The following THAP9 variants were observed in gnomAD, a reference collection of about 807,000 sequenced individuals.
The protein encoded by THAP9 is DNA transposase THAP9.
In THAP9, 20 loss-of-function variants were observed where a neutral mutation model predicts 35.7. The ratio of observed to expected loss-of-function variants is 0.56; its 90% confidence interval spans 0.39 to 0.81. THAP9 has a LOEUF of 0.81. THAP9 is among the 40% of genes least tolerant of loss of function. THAP9 has a pLI of 0.00. For synonymous variants in THAP9, 335 were observed against 373.7 expected, an observed-to-expected ratio of 0.90 and a Z score of 1.19; for missense variants, 870 against 1,047.4, an observed-to-expected ratio of 0.83 and a Z score of 2.34.
rs759566836 is a variant in THAP9 at position 82,918,027 on chromosome 4, C to G, written c.1815C>G (p.Tyr605Ter). Residue 605 changes from tyrosine to a stop codon, truncating the protein, a stop_gained, in exon 5 of 5, where the codon TAC becomes TAG. Coordinates refer to ENST00000302236, the MANE Select transcript of THAP9 (RefSeq NM_024672.6). LOFTEE classifies it high-confidence loss of function. ...TGCCTTTTCCTTATCTTCTGACTTA[C>G]AAATTCAGTCATGATCATCTGGAAT... ...KVMPFPYLLT[Y>*]KFSHDHLELF... The G allele has an allele frequency of 6.2e-7, 1 of 1,613,942 alleles. No individual in the cohort carries two copies. The highest frequency in any genetic ancestry group is 1.1e-5 in the South Asian group (1 of 91,068).
chr4:82,916,492 G>A (rs1447591045), intron 4 of THAP9, among the ~76,000 whole-genome samples: 1 of 152,168 alleles, frequency 6.6e-6, no homozygotes, highest in Non-Finnish European at 1.5e-5. Flanking sequence ...ATAACTAACA[G>A]TACATTATGG....
intron 4 of THAP9, chr4:82,909,890 A>G (rs1169171115): frequency 6.6e-6 from 1 of 152,078 alleles, no homozygotes; most frequent in East Asian, 1.9e-4. Context: ...TTTGATGCAT[A>G]TATATAATTT....
intron 4 of THAP9, among the ~76,000 whole-genome samples, chr4:82,912,780 C>T (rs1308321665): frequency 6.6e-6 from 1 of 152,166 alleles, no homozygotes; most frequent in African/African-American, 2.4e-5. Context: ...CGTGCATATA[C>T]ACATTGTGGT....
chr4:82,918,960 A>T lies in THAP9; in HGVS notation c.*36A>T. On this transcript the variant is annotated 3_prime_UTR_variant, in exon 5 of 5. Coordinates refer to ENST00000302236, the MANE Select transcript of THAP9 (RefSeq NM_024672.6). Reference sequence around the variant, plus strand: ...ATATATTAACATTTTAATTAAGAATACTTGATCAACATTTTTTGAAGTTCA... The same window carrying T: ...ATATATTAACATTTTAATTAAGAATTCTTGATCAACATTTTTTGAAGTTCA... The T allele has an allele frequency of 6.9e-7, 1 of 1,445,922 alleles. No homozygotes were observed. Among genetic ancestry groups the T allele is most frequent in the Non-Finnish European group, 9.3e-7 (1 of 1,072,988 alleles). 89.6% of individuals were successfully genotyped at this position (1,445,922 alleles called of 1,614,324 possible).
At chr4:82,911,198 T>G (rs1405337988) in intron 4 of THAP9, among the ~76,000 whole-genome samples, 2 of 152,138 alleles carry the variant, frequency 1.3e-5, no homozygotes, top group African/African-American at 4.8e-5. Context: ...CCTTAAGGTA[T>G]TGGGACAGTT....
intron 1 of THAP9, among the ~76,000 whole-genome samples, chr4:82,904,058 C>CTTTTTTTTT (rs59655406): frequency 6.1e-5 from 5 of 82,212 alleles, no homozygotes; most frequent in Non-Finnish European, 7.2e-5. Context: ...TAGGCTCCCC[C>CTTTTTTTTT]TTTTTTTTTT....
intron 1 of THAP9, among the ~76,000 whole-genome samples, chr4:82,903,140 A>G (rs990756889): frequency 6.6e-6 from 1 of 152,262 alleles, no homozygotes; most frequent in African/African-American, 2.4e-5. Context: ...ATAGTTACCT[A>G]TAAGTCTGTC....
rs1560700625 is a variant in THAP9, at chr4:82,918,553, A to T, written c.2341A>T (p.Thr781Ser). 1 of 1,614,122 alleles carries T rather than the reference A, an allele frequency of 6.2e-7. No homozygotes were observed. The highest frequency in any genetic ancestry group is 2.2e-5 in the East Asian group (1 of 44,882). Reference protein sequence around the residue: ...VINICERVVRTHSRMAIFELV... With the variant: ...VINICERVVRSHSRMAIFELV... ...AAATATTTGTGAGCGAGTTGTAAGA[A>T]CCCATTCAAGAATGGCAATTTTTGA... is the stretch of plus-strand genomic sequence containing the variant. Residue 781 changes from threonine to serine, a missense_variant, in exon 5 of 5, where the codon ACC becomes TCC. Coordinates refer to ENST00000302236, the MANE Select transcript of THAP9 (RefSeq NM_024672.6).
chr4:82,917,372 G>A lies in THAP9; in HGVS notation c.1160G>A (p.Gly387Glu), dbSNP rs745383963. The A allele has an allele frequency of 1.9e-6, 3 of 1,613,526 alleles. No individual in the cohort carries two copies. The highest frequency in any genetic ancestry group is 2.5e-6 in the Non-Finnish European group (3 of 1,179,660). Reference sequence around the variant, plus strand: ...AGTGTTCAGATGGCAAAAGCATTGGGGATACATATTGATGGAGACGACATG... The same window carrying A: ...AGTGTTCAGATGGCAAAAGCATTGGAGATACATATTGATGGAGACGACATG... ...AHSVQMAKAL[G>E]IHIDGDDMKC... The change falls in exon 5 of 5, where the codon GGG becomes GAG. Residue 387 changes from glycine to glutamate, a missense_variant. By Grantham distance (98) the Gly-to-Glu change is moderately conservative. Coordinates refer to ENST00000302236, the MANE Select transcript of THAP9 (RefSeq NM_024672.6).
In THAP9 at chr4:82,916,979, A is replaced by G. The variant is rs1560698561; in HGVS notation, c.767A>G (p.Asn256Ser). The stretch of plus-strand genomic sequence containing the variant: ...AAATGCCAACCCAGTCCAGGTTTCA[A>G]CAGCAACATTTTTTCTTTTCTTCAA... The part of the protein sequence containing the change: ...LSKCQPSPGF[N>S]SNIFSFLQRR... The change falls in exon 5 of 5, where the codon AAC (asparagine) becomes AGC (serine). Residue 256 changes from asparagine to serine, a missense_variant. By Grantham distance (46) the Asn-to-Ser change is conservative. Coordinates refer to ENST00000302236, the MANE Select transcript of THAP9 (RefSeq NM_024672.6). The G allele has an allele frequency of 2.6e-6, 4 of 1,543,984 alleles. No homozygotes were observed. Among genetic ancestry groups the G allele is most frequent in the Non-Finnish European group, 1.7e-6 (2 of 1,147,522 alleles).
intron 4 of THAP9, 107 bp from the exon 5 acceptor site, chr4:82,916,837 G>A (rs1721047309): frequency 1.1e-6 from 1 of 912,230 alleles, no homozygotes; most frequent in African/African-American, 1.7e-5. Context: ...TATATACTTG[G>A]CTTTATTTCT....
At chr4:82,904,098 CT>C (rs1720543019) in intron 1 of THAP9, among the ~76,000 whole-genome samples, 1 of 105,730 alleles carries the variant, frequency 9.5e-6, no homozygotes, top group Non-Finnish European at 1.8e-5. Flanking sequence ...GAGTTTCACT[CT>C]TGTTGCCCAG....
At chr4:82,907,455 T>C (rs1332213423) in intron 3 of THAP9, among the ~76,000 whole-genome samples, 1 of 151,990 alleles carries the variant, frequency 6.6e-6, no homozygotes, top group African/African-American at 2.4e-5. Context: ...CTCAGATAAA[T>C]AGTAAGCAGG....
intron 4 of THAP9, among the ~76,000 whole-genome samples, chr4:82,908,188 A>G (rs1720732193): frequency 6.6e-6 from 1 of 152,224 alleles, no homozygotes; most frequent in Admixed American, 6.5e-5. Context: ...CACAACAGCA[A>G]TATTTTCACC....
At position 82,900,773 on chromosome 4, in the gene THAP9, C is replaced by T; in HGVS notation, c.-30C>T. On this transcript the variant is annotated 5_prime_UTR_variant, in exon 1 of 5. Transcript: ENST00000302236. ...TCGTGATTCATGCTGTCGCGGGAAC[C>T]CCGAAGGTGGGGCCCCACGTAACAA... The T allele has an allele frequency of 6.2e-7, 1 of 1,613,194 alleles. No individual in the cohort carries two copies. The highest frequency in any genetic ancestry group is 8.5e-7 in the Non-Finnish European group (1 of 1,179,724).
chr4:82,918,295 G>A lies in THAP9; in HGVS notation c.2083G>A (p.Asp695Asn), dbSNP rs34060770. Reference protein sequence around the residue: ...TVFHEEGICQDWSHCSLSEAL... With the variant: ...TVFHEEGICQNWSHCSLSEAL... The stretch of plus-strand genomic sequence containing the variant: ...CTTTCACGAAGAGGGTATTTGTCAA[G>A]ACTGGTCTCATTGTTCACTAAGTGA... Residue 695 changes from aspartate to asparagine, a missense_variant, in exon 5 of 5, where the codon GAC becomes AAC. By Grantham distance (23) the Asp-to-Asn change is conservative. Transcript: ENST00000302236. 6.0e-4 allele frequency: 965 copies of A among 1,614,178 alleles called. 7 individuals carry two copies. The African/African-American group carries it at 0.012, about 20-fold the overall frequency.
At chr4:82,916,630 A>T (rs1349053013) in intron 4 of THAP9, among the ~76,000 whole-genome samples, 1 of 152,238 alleles carries the variant, frequency 6.6e-6, no homozygotes, top group Non-Finnish European at 1.5e-5. Context: ...TACAGGTAAG[A>T]CTTGTTTATG....
At chr4:82,904,706 G>A in intron 1 of THAP9, 30 bp from the exon 2 acceptor site, 3 of 1,604,242 alleles carry the variant, frequency 1.9e-6, no homozygotes, top group Admixed American at 1.7e-5. Context: ...ATGTTTTCAT[G>A]TTAATGGAAC....
At chr4:82,900,911 C>T in intron 1 of THAP9, 29 bp downstream of exon 1, 1 of 1,611,220 alleles carries the variant, frequency 6.2e-7, no homozygotes, top group South Asian at 1.1e-5. Context: ...TCGAAGCCTT[C>T]GAACTCCCTG....
Sources: allele counts gnomAD v4.1 joint callset (sites outside exome capture counted in the v4.1 genomes callset), GRCh38; gene constraint gnomAD v4.1.1; transcripts MANE v1.5; gene names NCBI Gene and HGNC (gene_info 2026-07-23, HGNC 2026-07-21).